Variants in UBA5 observed in about 807,000 individuals in gnomAD.
UBA5 encodes ubiquitin like modifier activating enzyme 5.
Under a neutral mutation model 52.9 loss-of-function variants are expected in UBA5, and 28 were observed. The ratio of observed to expected loss-of-function variants is 0.53; its 90% CI spans 0.39 to 0.73. UBA5 has a LOEUF of 0.73. Ranked by LOEUF, UBA5 falls within the 30% of genes least tolerant of loss-of-function variation. The probability of loss-of-function intolerance (pLI) is 0.00; values close to 1 mark genes in which losing one functional copy is unlikely to be tolerated. For synonymous variants in UBA5, 135 were observed against 162.1 expected, an observed-to-expected ratio of 0.83 and a Z score of 1.27; for missense variants, 388 against 492.7, an observed-to-expected ratio of 0.79 and a Z score of 2.01.
At chr3:132,656,939 ATTATAG>A, upstream of UBA5, among the ~76,000 whole-genome samples, 1 of 151,928 alleles carries the variant, frequency 6.6e-6, no homozygotes, top group South Asian at 2.1e-4. Context: ...CTGGTGAGCT[ATTATAG>A]TTATATTCTG....
rs546118444 is a variant in UBA5, at chr3:132,665,054, A to C, written c.162-769A>C. Among the ~76,000 whole-genome samples the C allele has an allele frequency of 3.3e-5, 5 of 152,230 alleles. No homozygotes were observed. In the East Asian group the frequency reaches 5.8e-4, roughly 18 times the overall value. On this transcript the variant is annotated intron_variant, in intron 1 of 11. Transcript: ENST00000356232. ...AGTTGTGAAGAGTTAACATCTAACC[A>C]AGATGACTATCTAACAATATTGGGA...
chr3:132,672,092 A>G lies in UBA5; in HGVS notation c.727A>G (p.Thr243Ala), dbSNP rs1288419233. Residue 243 changes from threonine (T) to alanine (A), a missense_variant, in exon 8 of 12, where the codon ACT becomes GCT. Thr to Ala is a moderately conservative substitution (Grantham distance 58, BLOSUM62 0). Coordinates refer to ENST00000356232, the MANE Select transcript of UBA5 (RefSeq NM_024818.6). ...LVVAANIDEK[T>A]LKREGVCAAS... is the part of the protein sequence containing the mutation. ...AGTTGCTGCAAATATTGATGAAAAG[A>G]CTCTGAAACGAGAAGGTGTTTGTGC... 5 of 1,613,932 alleles carry G rather than the reference A, an allele frequency of 3.1e-6. No individual in the cohort carries two copies. In the East Asian group the frequency reaches 1.1e-4, roughly 36 times the overall value.
chr3:132,665,949 C>T (rs1938360487), intron 2 of UBA5, 35 bp from the exon 3 acceptor site: 1 of 1,609,348 alleles, frequency 6.2e-7, no homozygotes, highest in Non-Finnish European at 8.5e-7. Flanking sequence ...TGATGAAGAG[C>T]TATTAACCAA....
chr3:132,673,969 AG>A (rs1279030975), intron 8 of UBA5, among the ~76,000 whole-genome samples: 1 of 152,152 alleles, frequency 6.6e-6, no homozygotes, highest in African/African-American at 2.4e-5. Context: ...CACGGCCTAT[AG>A]TACACATTTT....
intron 3 of UBA5, 63 bp downstream of exon 3, chr3:132,666,136 C>T: frequency 9.7e-6 from 14 of 1,441,032 alleles, no homozygotes; most frequent in Non-Finnish European, 1.4e-5. Flanking sequence ...AAATCAGGTA[C>T]AAGTTAGGAT....
In UBA5 at chr3:132,660,814, G is replaced by C. The variant is rs1938121659; in HGVS notation, c.161+116G>C. 3 of 1,449,772 alleles carry C rather than the reference G, an allele frequency of 2.1e-6. No individual in the cohort carries two copies. The highest frequency in any genetic ancestry group is 2.7e-6 in the Non-Finnish European group (3 of 1,098,374). 89.8% of individuals were successfully genotyped at this position (1,449,772 alleles called of 1,614,324 possible). ...GGGGACGCCCGCCACCCTTTTCTTG[G>C]TCTGCGAATCCTGTTCCCAAATGGG... On this transcript the variant is annotated intron_variant, in intron 1 of 11. Coordinates refer to ENST00000356232, the MANE Select transcript of UBA5 (RefSeq NM_024818.6). The surrounding 1 kb of genome is among the most constrained non-coding windows in gnomAD (Gnocchi z 4.1).
chr3:132,669,643 G>T (rs912276376), intron 4 of UBA5, among the ~76,000 whole-genome samples: 2 of 152,130 alleles, frequency 1.3e-5, no homozygotes, highest in African/African-American at 4.8e-5. Context: ...AAAATTCTTA[G>T]TCTGAAGGCT....
chr3:132,656,515 G>C (rs184784042), upstream of UBA5, among the ~76,000 whole-genome samples: 1 of 147,492 alleles, frequency 6.8e-6, no homozygotes, highest in African/African-American at 2.5e-5. Flanking sequence ...TTTTTGAGAC[G>C]GAGTCTGCCT....
intron 1 of UBA5, among the ~76,000 whole-genome samples, chr3:132,665,397 T>G (rs112319582): frequency 1.2e-3 from 182 of 152,208 alleles, no homozygotes; most frequent in African/African-American, 3.8e-3. Flanking sequence ...ACTAAAAGTA[T>G]ACATCATCTA....
upstream of UBA5, among the ~76,000 whole-genome samples, chr3:132,656,996 G>A (rs1937845400): frequency 6.6e-6 from 1 of 151,692 alleles, no homozygotes; most frequent in African/African-American, 2.4e-5. Context: ...ATTTTCTTCT[G>A]TCTTTTCACT....
At chr3:132,668,158 AGTGTGT>A (rs10596982) in intron 3 of UBA5, 12,914 of 145,630 alleles carry the variant, frequency 0.089, 562 homozygotes, top group African/African-American at 0.1. Flanking sequence ...TGGCCATTTT[AGTGTGT>A]GTGTGTGTGT....
At chr3:132,656,943 T>C (rs73000571), upstream of UBA5, among the ~76,000 whole-genome samples, 1,899 of 152,228 alleles carry the variant, frequency 0.012, 39 homozygotes, top group African/African-American at 0.043. Flanking sequence ...TGAGCTATTA[T>C]AGTTATATTC....
At chr3:132,675,410 G>C (rs1384757005) in intron 9 of UBA5, 27 bp downstream of exon 9, 2 of 1,610,876 alleles carry the variant, frequency 1.2e-6, no homozygotes, top group Non-Finnish European at 1.7e-6. Flanking sequence ...TAGAATGCAT[G>C]AGGGATCATA....
intron 8 of UBA5, among the ~76,000 whole-genome samples, chr3:132,673,683 A>G (rs539021305): frequency 6.8e-6 from 1 of 148,060 alleles, no homozygotes; most frequent in Non-Finnish European, 1.5e-5. Context: ...TTTTTTTTTA[A>G]ACAGGGTTTC....
intron 1 of UBA5, among the ~76,000 whole-genome samples, chr3:132,663,583 T>C (rs908084848): frequency 9.2e-5 from 14 of 152,132 alleles, no homozygotes; most frequent in Admixed American, 2.0e-4. Flanking sequence ...CTAGGGAATC[T>C]GATAGAGCCA....
At chr3:132,672,269 G>T in intron 8 of UBA5, 92 bp downstream of exon 8, 2 of 1,414,082 alleles carry the variant, frequency 1.4e-6, no homozygotes, top group South Asian at 1.5e-5. Flanking sequence ...GAAATTACAA[G>T]CTAAGTATAT....
intron 6 of UBA5, 105 bp from the exon 7 acceptor site, chr3:132,671,672 T>C: frequency 1.1e-6 from 1 of 870,248 alleles, no homozygotes; most frequent in South Asian, 1.8e-5. Context: ...TTCTGAAAAT[T>C]AATTTTAAAA....
chr3:132,655,446 C>T (rs564625224), upstream of UBA5, among the ~76,000 whole-genome samples: 25 of 152,294 alleles, frequency 1.6e-4, no homozygotes, highest in Admixed American at 1.2e-3. Flanking sequence ...GTTGCCCTTG[C>T]TTACACTACT....
At position 132,676,518 on chromosome 3, in the gene UBA5, A is replaced by C. The variant is rs1480723437; in HGVS notation, c.1207A>C (p.Asn403His). 6.2e-7 allele frequency: 1 copy of C among 1,607,620 alleles called. No homozygotes were observed. The highest frequency in any genetic ancestry group is 8.5e-7 in the Non-Finnish European group (1 of 1,176,670). ...GGAAGACCTCATGGCCAAAATGAAG[A>C]ATATGTAGATAATGGACTGGGATAT... ...SLEDLMAKMK[N>H]M Residue 403 changes from asparagine to histidine, a missense_variant, in exon 12 of 12, where the codon AAT becomes CAT. Asn to His is a moderately conservative substitution (Grantham distance 68). This residue lies in a region of UBA5 where 277 missense variants were observed against 326.4 expected (regional missense o/e 0.85). Coordinates refer to ENST00000356232, the MANE Select transcript of UBA5 (RefSeq NM_024818.6). The surrounding 1 kb of genome is among the most constrained non-coding windows in gnomAD (Gnocchi z 4.1).
Sources: gnomAD v4.1 joint callset for allele counts (sites outside exome capture counted in the v4.1 genomes callset) on GRCh38, gnomAD v4.1.1 for gene constraint, gnomAD v4.1.1 regional missense constraint, Gnocchi (gnomAD v3.1) non-coding constraint, MANE v1.5 for transcripts, NCBI Gene and HGNC (gene_info 2026-07-23, HGNC 2026-07-21) for gene names.